Variants in NMI observed in about 807,000 individuals in gnomAD.
The protein encoded by NMI is N-myc-interactor.
NMI carries 39 observed loss-of-function variants against 34.3 expected under a neutral mutation model. That is an observed-to-expected ratio of 1.14 (90% confidence interval 0.88 to 1.49). The LOEUF (loss-of-function observed/expected upper bound fraction) is 1.49. Among genes scored for constraint, NMI ranks in the 40% most tolerant of loss-of-function variants. The probability of loss-of-function intolerance (pLI) is 0.00; values close to 1 mark genes in which losing one functional copy is unlikely to be tolerated. For missense variants in NMI, 339 were observed against 358.1 expected (o/e 0.95, Z 0.43); for synonymous variants, 113 against 120.3 (o/e 0.94, Z 0.40).
At chr2:151,286,565 G>A (rs1352835367) in intron 1 of NMI, among the ~76,000 whole-genome samples, 20 of 152,130 alleles carry the variant, frequency 1.3e-4, no homozygotes, top group African/African-American at 2.4e-5. Flanking sequence ...GGATGAAGGT[G>A]CACTGATGTT....
In NMI at chr2:151,270,536, A is replaced by C; in HGVS notation, c.*157T>G. ...AAAACATGCAGCACCATTTGAAACA[A>C]AGAAGATTCAGAAACATGGAAATAA... On this transcript the variant is annotated 3_prime_UTR_variant, in exon 8 of 8. Transcript: ENST00000243346. 1 of 631,890 alleles carries C rather than the reference A, an allele frequency of 1.6e-6. No homozygotes were observed. The highest frequency in any genetic ancestry group is 2.7e-6 in the Non-Finnish European group (1 of 373,886). 39.1% of individuals were successfully genotyped at this position (631,890 alleles called of 1,614,324 possible).
intron 3 of NMI, among the ~76,000 whole-genome samples, chr2:151,280,195 C>CAAAA (rs10645520): frequency 6.6e-5 from 9 of 136,358 alleles, no homozygotes; most frequent in African/African-American, 2.2e-4. Context: ...AACTCTGTTT[C>CAAAA]AAAAAAAAAA....
chr2:151,277,063 G>T (rs186169073), intron 4 of NMI, among the ~76,000 whole-genome samples: 1 of 152,272 alleles, frequency 6.6e-6, no homozygotes, highest in East Asian at 1.9e-4. Context: ...AATGTATCAT[G>T]AAAATAAGTG....
At chr2:151,281,058 G>A (rs753065238) in intron 3 of NMI, among the ~76,000 whole-genome samples, 1 of 151,778 alleles carries the variant, frequency 6.6e-6, no homozygotes, top group African/African-American at 2.4e-5. Context: ...CAGGCTGGTC[G>A]TGAATTCCTG....
intron 6 of NMI, among the ~76,000 whole-genome samples, chr2:151,272,092 A>G (rs1412631478): frequency 6.6e-6 from 1 of 152,226 alleles, no homozygotes; most frequent in Non-Finnish European, 1.5e-5. Context: ...CCAGTTTCTC[A>G]AAAGCTGTAA....
intron 1 of NMI, among the ~76,000 whole-genome samples, chr2:151,284,518 G>T (rs903969702): frequency 6.6e-6 from 1 of 151,884 alleles, no homozygotes; most frequent in African/African-American, 2.4e-5. Context: ...AGACTGTCTC[G>T]AACTCCTGGG....
intron 1 of NMI, among the ~76,000 whole-genome samples, chr2:151,283,783 T>C (rs1458947145): frequency 6.6e-6 from 1 of 152,344 alleles, no homozygotes; most frequent in East Asian, 1.9e-4. Context: ...ATTATATGTT[T>C]ATTTCTAATA....
At chr2:151,282,837 T>A in intron 2 of NMI, 31 bp downstream of exon 2, 1 of 1,129,814 alleles carries the variant, frequency 8.9e-7, no homozygotes, top group Non-Finnish European at 1.3e-6. Context: ...ATAAAATAAT[T>A]TTTAATAATA....
intron 1 of NMI, among the ~76,000 whole-genome samples, chr2:151,285,422 G>C (rs1683477814): frequency 6.6e-6 from 1 of 151,732 alleles, no homozygotes; most frequent in South Asian, 2.1e-4. Flanking sequence ...CAGACAGATA[G>C]AAATACCTAT....
chr2:151,272,274 A>AT (rs930119317), intron 6 of NMI, among the ~76,000 whole-genome samples: 1 of 152,198 alleles, frequency 6.6e-6, no homozygotes. Flanking sequence ...TTTTAGCAGT[A>AT]TTTTTTTCTC....
rs747349641 is a variant in NMI at position 151,275,752 on chromosome 2, T to A, written c.447+6A>T. 6.2e-7 allele frequency: 1 copy of A among 1,611,574 alleles called. No homozygotes were observed. On this transcript the variant is annotated splice_donor_region_variant and intron_variant, in intron 5 of 7. Coordinates refer to ENST00000243346, the MANE Select transcript of NMI (RefSeq NM_004688.3). ...GAAATCCAAAAAATTTTAATCATCC[T>A]GTTACCTGGAATCTGACTCCTGAAT...
chr2:151,272,545 G>A (rs1683207059), intron 6 of NMI, among the ~76,000 whole-genome samples: 1 of 152,174 alleles, frequency 6.6e-6, no homozygotes, highest in South Asian at 2.1e-4. Flanking sequence ...AATAGAACAT[G>A]ATATGATCCA....
intron 6 of NMI, among the ~76,000 whole-genome samples, chr2:151,274,432 A>C (rs1292730039): frequency 6.6e-6 from 1 of 151,174 alleles, no homozygotes; most frequent in East Asian, 1.9e-4. Flanking sequence ...CCAAATAACC[A>C]TAACTAACTA....
At chr2:151,271,949 T>C (rs1683195589) in intron 6 of NMI, among the ~76,000 whole-genome samples, 1 of 152,224 alleles carries the variant, frequency 6.6e-6, no homozygotes, top group Non-Finnish European at 1.5e-5. Flanking sequence ...TCATTCCATC[T>C]TGAATTATTC....
At chr2:151,286,629 T>A (rs1273727163) in intron 1 of NMI, among the ~76,000 whole-genome samples, 1 of 152,018 alleles carries the variant, frequency 6.6e-6, no homozygotes, top group Non-Finnish European at 1.5e-5. Flanking sequence ...TTACCTCTAG[T>A]CCCTTCCCTG....
At chr2:151,278,366 T>C (rs973415266) in intron 4 of NMI, 2 of 154,416 alleles carry the variant, frequency 1.3e-5, no homozygotes, top group Admixed American at 6.5e-5. Flanking sequence ...TATGTTCCCT[T>C]AGGTAAATCA....
chr2:151,278,773 G>A (rs985717420), intron 4 of NMI, 55 bp downstream of exon 4: 1 of 1,338,310 alleles, frequency 7.5e-7, no homozygotes, highest in African/African-American at 1.4e-5. Context: ...ATAGCTAAAT[G>A]TCTATGAAAG....
intron 3 of NMI, among the ~76,000 whole-genome samples, chr2:151,280,499 AC>A (rs1454844043): frequency 6.6e-6 from 1 of 152,212 alleles, no homozygotes; most frequent in East Asian, 1.9e-4. Context: ...GCAGAGTGTT[AC>A]CCAATAATGC....
chr2:151,276,907 T>A (rs751241366), intron 4 of NMI, among the ~76,000 whole-genome samples: 1 of 152,212 alleles, frequency 6.6e-6, no homozygotes, highest in Non-Finnish European at 1.5e-5. Flanking sequence ...CCTGTGCAAA[T>A]GGGAGAGGTT....
Sources: gnomAD v4.1 joint callset for allele counts (sites outside exome capture counted in the v4.1 genomes callset) on GRCh38, gnomAD v4.1.1 for gene constraint, MANE v1.5 for transcripts, NCBI Gene and HGNC (gene_info 2026-07-23, HGNC 2026-07-21) for gene names.